SAMD12: variants seen among roughly 807,000 people sequenced by gnomAD.
The protein encoded by SAMD12 is sterile alpha motif domain containing 12.
A neutral mutation model predicts 15.0 loss-of-function variants in SAMD12; 9 were observed. The ratio of observed to expected loss-of-function variants is 0.60; its 90% CI spans 0.36 to 1.05. The LOEUF (loss-of-function observed/expected upper bound fraction) is 1.05, where lower values mean the gene tolerates loss of function less well. Among genes scored for constraint, SAMD12 ranks in the 50% least tolerant of loss-of-function variants. SAMD12 has a pLI of 0.01. For synonymous variants in SAMD12, 86 were observed against 90.1 expected, an observed-to-expected ratio of 0.96 and a Z score of 0.25; for missense variants, 230 against 234.2, an observed-to-expected ratio of 0.98 and a Z score of 0.12.
intron 2 of SAMD12, among the ~76,000 whole-genome samples, chr8:118,547,127 G>A (rs753065583): frequency 6.6e-6 from 1 of 152,144 alleles, no homozygotes; most frequent in Admixed American, 6.5e-5. Flanking sequence ...AATCTAACCT[G>A]TGAATACTGA....
chr8:118,313,228 T>C (rs908165235), intron 4 of SAMD12, among the ~76,000 whole-genome samples: 2 of 152,214 alleles, frequency 1.3e-5, no homozygotes, highest in African/African-American at 4.8e-5. Flanking sequence ...ATAAGCCACG[T>C]TATGCCCCTA....
intron 2 of SAMD12, among the ~76,000 whole-genome samples, chr8:118,478,616 C>T (rs1408438596): frequency 1.3e-5 from 2 of 152,214 alleles, no homozygotes; most frequent in African/African-American, 2.4e-5. Context: ...ACTTAGCAAA[C>T]ATCATACAGC....
chr8:118,575,759 G>A (rs140899735), intron 2 of SAMD12, among the ~76,000 whole-genome samples: 8 of 152,264 alleles, frequency 5.3e-5, no homozygotes, highest in African/African-American at 1.9e-4. Context: ...TAAAAACACA[G>A]CAAGGTGAAG....
chr8:118,532,368 T>A (rs1825712834), intron 2 of SAMD12, among the ~76,000 whole-genome samples: 1 of 150,472 alleles, frequency 6.6e-6, no homozygotes, highest in Admixed American at 6.7e-5. Context: ...TTTGTATCAA[T>A]GTTCATCAGG....
chr8:118,474,190 AC>A (rs1039458853), intron 2 of SAMD12, among the ~76,000 whole-genome samples: 9 of 152,102 alleles, frequency 5.9e-5, no homozygotes, highest in African/African-American at 2.2e-4. Context: ...CGAACTCCTG[AC>A]CTCAAGTGAT....
rs565433787 is a variant in SAMD12, at chr8:118,295,464, C to T, written c.433+84096G>A. 2.6e-5 allele frequency among the ~76,000 whole-genome samples: 4 copies of T among 152,222 alleles called. No homozygotes were observed. In the East Asian group the frequency reaches 7.7e-4, roughly 29 times the overall value. ...CCAAACTGCACATTCAAATCTGAAA[C>T]ATCAGTGGATAATAATGATGTGTAA... On this transcript the variant is annotated intron_variant, in intron 4 of 4. Coordinates refer to the SAMD12 transcript ENST00000409003.
At chr8:118,417,624 A>G (rs1821768155) in intron 3 of SAMD12, among the ~76,000 whole-genome samples, 1 of 152,256 alleles carries the variant, frequency 6.6e-6, no homozygotes, top group African/African-American at 2.4e-5. Context: ...CAATAGAGAT[A>G]ATGATAAAAT....
chr8:118,184,555 G>C (rs1344616565), downstream of SAMD12, among the ~76,000 whole-genome samples: 1 of 152,106 alleles, frequency 6.6e-6, no homozygotes, highest in Admixed American at 6.5e-5. Flanking sequence ...GAGTGCAGTG[G>C]CGTGATCTCT....
intron 3 of SAMD12, among the ~76,000 whole-genome samples, chr8:118,413,716 A>G (rs979149910): frequency 1.5e-4 from 23 of 152,282 alleles, no homozygotes; most frequent in African/African-American, 5.3e-4. Context: ...CCCAGGCTCT[A>G]TGGCATGTAG....
chr8:118,133,488 G>A, the SAMD12 span, among the ~76,000 whole-genome samples: 1 of 152,066 alleles, frequency 6.6e-6, no homozygotes, highest in Non-Finnish European at 1.5e-5. Context: ...TCTTCCTGAT[G>A]CTCTTCCCAC....
chr8:118,485,982 C>T (rs555121044), intron 2 of SAMD12, among the ~76,000 whole-genome samples: 1 of 152,264 alleles, frequency 6.6e-6, no homozygotes, highest in Admixed American at 6.5e-5. Context: ...ACAGAATGGC[C>T]CCCCACAAAT....
At chr8:118,273,436 CAA>C (rs749658100) in intron 4 of SAMD12, among the ~76,000 whole-genome samples, 3 of 152,128 alleles carry the variant, frequency 2.0e-5, no homozygotes, top group Non-Finnish European at 4.4e-5. Flanking sequence ...GGGAGTGAAA[CAA>C]AAATAATTTT....
At chr8:118,246,377 A>AT (rs531838878) in intron 4 of SAMD12, among the ~76,000 whole-genome samples, 267 of 152,022 alleles carry the variant, frequency 1.8e-3, no homozygotes, top group Non-Finnish European at 2.6e-3. Context: ...AGAAAGAGAC[A>AT]TTTTTTCTTT....
chr8:118,276,264 T>C (rs1292278550), intron 4 of SAMD12, among the ~76,000 whole-genome samples: 3 of 152,352 alleles, frequency 2.0e-5, no homozygotes, highest in South Asian at 4.1e-4. Context: ...TGTTGTAATT[T>C]TGTTAATTTG....
intron 2 of SAMD12, among the ~76,000 whole-genome samples, chr8:118,511,452 G>GTT (rs142995747): frequency 0.056 from 7,355 of 131,760 alleles, 220 homozygotes; most frequent in Middle Eastern, 0.15. Flanking sequence ...TTTTGTTTTT[G>GTT]TTTTTTTTTT....
intron 2 of SAMD12, among the ~76,000 whole-genome samples, chr8:118,534,993 G>A (rs186379388): frequency 3.9e-5 from 6 of 152,144 alleles, no homozygotes; most frequent in Non-Finnish European, 8.8e-5. Context: ...CACTGCTGGC[G>A]AGGAGCTGCA....
chr8:118,240,280 G>A (rs28365498), intron 4 of SAMD12, among the ~76,000 whole-genome samples: 2,766 of 152,242 alleles, frequency 0.018, 118 homozygotes, highest in East Asian at 0.15. Flanking sequence ...GACTGCATCA[G>A]AAACACCCAG....
At chr8:118,264,598 C>T (rs1174047736) in intron 4 of SAMD12, among the ~76,000 whole-genome samples, 1 of 152,068 alleles carries the variant, frequency 6.6e-6, no homozygotes, top group Admixed American at 6.6e-5. Flanking sequence ...CAGGGGAAAA[C>T]AGAACATGAA....
In SAMD12 at chr8:118,432,444, G is replaced by A. The variant is rs1822444466; in HGVS notation, c.322+7388C>T. Among the ~76,000 whole-genome samples, 3 of 152,310 alleles carry A rather than the reference G, an allele frequency of 2.0e-5. No homozygotes were observed. In the South Asian group the frequency reaches 6.2e-4, roughly 32 times the overall value. On this transcript the variant is annotated intron_variant, in intron 3 of 3. Coordinates refer to ENST00000314727, the MANE Select transcript of SAMD12 (RefSeq NM_207506.3). ...ATAGCATTATACTTCATTGATGCCA[G>A]GAAGCAAGAATCTAATGGGGGCAGT...
Sources: allele counts gnomAD v4.1 joint callset (sites outside exome capture counted in the v4.1 genomes callset), GRCh38; gene constraint gnomAD v4.1.1; transcripts MANE v1.5; gene names NCBI Gene and HGNC (gene_info 2026-07-23, HGNC 2026-07-21).